CAMSAP1: variants seen among roughly 807,000 people sequenced by gnomAD.
CAMSAP1 encodes the protein calmodulin-regulated spectrin-associated protein 1.
CAMSAP1 carries 58 observed loss-of-function variants against 143.5 expected under a neutral mutation model. That is an observed-to-expected ratio of 0.40 (90% CI 0.33 to 0.50). CAMSAP1 has a LOEUF of 0.50. Among genes scored for constraint, CAMSAP1 ranks in the 20% least tolerant of loss-of-function variants. The pLI is 0.45. For missense variants in CAMSAP1, 1,969 were observed against 2,115.7 expected, an observed-to-expected ratio of 0.93 and a Z score of 1.36; for synonymous variants, 945 against 859.3, an observed-to-expected ratio of 1.10 and a Z score of -1.74.
chr9:135,824,894 G>C lies in CAMSAP1; in HGVS notation c.1224-14C>G, dbSNP rs777773979. On this transcript the variant is annotated splice_polypyrimidine_tract_variant and intron_variant, in intron 8 of 16. Transcript: ENST00000389532. This position sits in a 1 kb window ranked among gnomAD's most constrained non-coding sequence, Gnocchi z 4.1. ...GTTCCTTTCCCGCTAAATGGAAAAA[G>C]AATTACAGGGAAAATCATTCCTTTA... The C allele has an allele frequency of 6.4e-7, 1 of 1,556,524 alleles. No individual in the cohort carries two copies. The highest frequency in any genetic ancestry group is 2.3e-5 in the East Asian group (1 of 42,870).
chr9:135,903,021 T>C (rs553572115), intron 1 of CAMSAP1, among the ~76,000 whole-genome samples: 16 of 152,352 alleles, frequency 1.1e-4, no homozygotes, highest in Admixed American at 7.2e-4. Context: ...GGTTGTTTTT[T>C]AACATTGTCC....
rs201126096 is a variant in CAMSAP1 at position 135,811,369 on chromosome 9, G to A, written c.4749C>T (p.His1583=). 2.5e-6 allele frequency: 4 copies of A among 1,613,098 alleles called. No individual in the cohort carries two copies. The East Asian group carries it at 6.7e-5, about 27-fold the overall frequency. ...MSVSVDALTI[H]NHLWQPKRPA... ...GCCGCTTGGGCTGCCACAGGTGGTT[G>A]TGGATTGTGAGTGCGTCCACACTGA... The change falls in exon 17 of 17, where the codon CAC becomes CAT. Residue 1583 remains histidine (H), a synonymous_variant. Transcript: ENST00000389532. This position sits in a 1 kb window ranked among gnomAD's most constrained non-coding sequence, Gnocchi z 4.9.
chr9:135,819,142 T>G lies in CAMSAP1; in HGVS notation c.3827A>C (p.Glu1276Ala). Residue 1276 changes from glutamate (E) to alanine (A), a missense_variant, in exon 12 of 17, where the codon GAA (glutamate) becomes GCA (alanine). Around this residue, in one of 4 missense-constraint regions of CAMSAP1, gnomAD observed 1,390 missense variants for 1,420.8 expected, o/e 0.98. Transcript: ENST00000389532. ...GGCGAGCTCATCTTCCGCTTTCTGT[T>G]CATCCTGCAAGACAGAGGCCACACA... ...KPGVGFFFKDEQKAEDELAKK... is the reference protein window; with the variant it reads ...KPGVGFFFKDAQKAEDELAKK... The G allele has an allele frequency of 1.9e-6, 3 of 1,601,366 alleles. No individual in the cohort carries two copies. The highest frequency in any genetic ancestry group is 2.6e-6 in the Non-Finnish European group (3 of 1,175,450).
chr9:135,863,998 A>G (rs745403437), intron 4 of CAMSAP1, among the ~76,000 whole-genome samples: 5 of 152,218 alleles, frequency 3.3e-5, no homozygotes, highest in Admixed American at 2.6e-4. Context: ...CTGCCTTGCA[A>G]ATCAGGTGCT....
chr9:135,851,624 C>T (rs558761491), intron 5 of CAMSAP1, among the ~76,000 whole-genome samples: 1 of 152,362 alleles, frequency 6.6e-6, no homozygotes, highest in South Asian at 2.1e-4. Context: ...TCTGCATCCA[C>T]AAGTAACACA....
At chr9:135,813,964 T>A (rs1229057450) in intron 16 of CAMSAP1, among the ~76,000 whole-genome samples, 1 of 152,234 alleles carries the variant, frequency 6.6e-6, no homozygotes, top group East Asian at 1.9e-4. Flanking sequence ...GTCTTCTCCC[T>A]CTTCACCCAG....
At chr9:135,827,636 A>G in intron 7 of CAMSAP1, 52 bp from the exon 8 acceptor site, 3 of 1,439,414 alleles carry the variant, frequency 2.1e-6, no homozygotes, top group Non-Finnish European at 2.8e-6. Context: ...CTGGAAGCAC[A>G]GAAAACCTAA....
rs76271822 is a variant in CAMSAP1, at chr9:135,813,902, C to G, written c.4506+1195G>C. ...TGGCCCACAGGCTGCTGTGGATCCA[C>G]TGCTGGAAGAACGAGAGCAGAGGGA... is the stretch of plus-strand genomic sequence containing the variant. On this transcript the variant is annotated intron_variant, in intron 16 of 16. Coordinates refer to ENST00000389532, the MANE Select transcript of CAMSAP1 (RefSeq NM_015447.4). Among the ~76,000 whole-genome samples the G allele has an allele frequency of 8.2e-4, 125 of 152,350 alleles. 4 individuals carry two copies. The East Asian group carries it at 0.024, about 29-fold the overall frequency.
chr9:135,887,142 G>C (rs1838149605), intron 1 of CAMSAP1, among the ~76,000 whole-genome samples: 1 of 152,216 alleles, frequency 6.6e-6, no homozygotes, highest in African/African-American at 2.4e-5. Flanking sequence ...GGCGCAGTGG[G>C]AGAAGCTGGT....
intron 3 of CAMSAP1, among the ~76,000 whole-genome samples, chr9:135,874,205 A>G (rs977915422): frequency 5.9e-5 from 9 of 152,192 alleles, no homozygotes; most frequent in Admixed American, 5.2e-4. Flanking sequence ...CAAACTTAAA[A>G]TAGAAGGGAA....
At chr9:135,890,939 T>C (rs1838271078) in intron 1 of CAMSAP1, among the ~76,000 whole-genome samples, 1 of 152,170 alleles carries the variant, frequency 6.6e-6, no homozygotes. Context: ...CTAAAAACTC[T>C]GGACAAAAGA....
At chr9:135,878,638 G>A (rs948821786) in intron 3 of CAMSAP1, among the ~76,000 whole-genome samples, 5 of 152,184 alleles carry the variant, frequency 3.3e-5, no homozygotes, top group East Asian at 1.9e-4. Context: ...GGCACAGCTC[G>A]AAGCCAGTGA....
chr9:135,868,865 C>T (rs1434712351), intron 3 of CAMSAP1, among the ~76,000 whole-genome samples: 6 of 152,008 alleles, frequency 3.9e-5, no homozygotes, highest in Non-Finnish European at 8.8e-5. Flanking sequence ...ATCCACCTGC[C>T]TCAGCCTCCC....
At chr9:135,842,959 T>A (rs1470478135) in intron 7 of CAMSAP1, among the ~76,000 whole-genome samples, 1 of 152,098 alleles carries the variant, frequency 6.6e-6, no homozygotes, top group African/African-American at 2.4e-5. Flanking sequence ...GCAGCTAGCA[T>A]CATAATGACA....
At chr9:135,863,881 A>T (rs1389835246) in intron 4 of CAMSAP1, among the ~76,000 whole-genome samples, 1 of 152,170 alleles carries the variant, frequency 6.6e-6, no homozygotes, top group Admixed American at 6.5e-5. Context: ...TGAGGGGGGA[A>T]CACAGGCATG....
intron 1 of CAMSAP1, among the ~76,000 whole-genome samples, chr9:135,899,417 T>TAAA (rs577120532): frequency 2.4e-5 from 3 of 125,446 alleles, no homozygotes; most frequent in African/African-American, 3.0e-5. Context: ...TTGTCTCTAT[T>TAAA]AAAAAAAAAA....
intron 7 of CAMSAP1, among the ~76,000 whole-genome samples, 168 bp from the exon 8 acceptor site, chr9:135,827,752 A>G (rs1835729002): frequency 1.3e-5 from 2 of 152,262 alleles, no homozygotes; most frequent in Non-Finnish European, 2.9e-5. Context: ...AACAAGTACT[A>G]CAAATATTAT....
chr9:135,853,563 T>C (rs1174400526), intron 5 of CAMSAP1, among the ~76,000 whole-genome samples: 10 of 152,356 alleles, frequency 6.6e-5, no homozygotes, highest in Middle Eastern at 6.8e-3. Context: ...GGGATCTAAG[T>C]ACACTTGTTT....
intron 7 of CAMSAP1, among the ~76,000 whole-genome samples, chr9:135,849,649 A>T (rs1171145238): frequency 1.3e-5 from 2 of 152,230 alleles, no homozygotes; most frequent in East Asian, 3.9e-4. Flanking sequence ...GGGGTTTTTT[A>T]AAATTATCTT....
Sources: allele counts gnomAD v4.1 joint callset (sites outside exome capture counted in the v4.1 genomes callset), GRCh38; gene constraint gnomAD v4.1.1; regional missense constraint gnomAD v4.1.1; non-coding constraint Gnocchi (gnomAD v3.1); transcripts MANE v1.5; gene names NCBI Gene and HGNC (gene_info 2026-07-23, HGNC 2026-07-21).